The following CATSPERT variants were observed in gnomAD, a reference collection of about 807,000 sequenced individuals.
CATSPERT encodes catsper channel auxiliary subunit tau.
the CATSPERT span, among the ~76,000 whole-genome samples, chr2:201,597,311 C>G: frequency 6.6e-6 from 1 of 152,220 alleles, no homozygotes; most frequent in African/African-American, 2.4e-5. Context: ...CCTCCAGCGT[C>G]TGTTCTCTGT....
chr2:201,582,200 A>G, the CATSPERT span: 1 of 1,597,166 alleles, frequency 6.3e-7, no homozygotes, highest in African/African-American at 1.4e-5. Flanking sequence ...TCCGCTTATC[A>G]TCATAACGTC....
chr2:201,569,911 A>G, the CATSPERT span, among the ~76,000 whole-genome samples: 1 of 152,186 alleles, frequency 6.6e-6, no homozygotes, highest in Non-Finnish European at 1.5e-5. Context: ...GGCCAGCTGC[A>G]GTGGCTCACA....
chr2:201,560,423 AAATAATAATAATAAT>A, the CATSPERT span, among the ~76,000 whole-genome samples: 151 of 126,460 alleles, frequency 1.2e-3, 1 homozygote, highest in African/African-American at 2.0e-3. Flanking sequence ...ACTCTGTCTC[AAATAATAATAATAAT>A]AATAATAATA....
At chr2:201,495,776 ATT>A in the CATSPERT span, 1 of 455,682 alleles carries the variant, frequency 2.2e-6, no homozygotes, top group Admixed American at 4.6e-5. Flanking sequence ...GGGAATGTGT[ATT>A]TTTTACAGTA....
chr2:201,606,052 G>A, the CATSPERT span, among the ~76,000 whole-genome samples: 1 of 152,146 alleles, frequency 6.6e-6, no homozygotes, highest in Admixed American at 6.5e-5. Context: ...AGCATAAAGG[G>A]TCAGAGAAAA....
At chr2:201,549,017 C>A in the CATSPERT span, among the ~76,000 whole-genome samples, 88 of 151,876 alleles carry the variant, frequency 5.8e-4, 2 homozygotes, top group Admixed American at 2.6e-3. Context: ...ACACACACAC[C>A]CCCCAGCCAA....
At chr2:201,581,087 C>T in the CATSPERT span, among the ~76,000 whole-genome samples, 4 of 152,174 alleles carry the variant, frequency 2.6e-5, no homozygotes, top group South Asian at 2.1e-4. Flanking sequence ...ATTCTGTACA[C>T]GATAAATATA....
chr2:201,575,393 C>A, the CATSPERT span: 3 of 1,291,590 alleles, frequency 2.3e-6, no homozygotes, highest in African/African-American at 4.6e-5. Flanking sequence ...TTATCGAAAC[C>A]AAGGGTCCCC....
chr2:201,595,598 C>T, the CATSPERT span, among the ~76,000 whole-genome samples: 1 of 152,104 alleles, frequency 6.6e-6, no homozygotes, highest in African/African-American at 2.4e-5. Flanking sequence ...AGTTAGGCTG[C>T]TCGGGGGTCA....
the CATSPERT span, among the ~76,000 whole-genome samples, chr2:201,600,976 C>A: frequency 6.6e-6 from 1 of 152,162 alleles, no homozygotes; most frequent in African/African-American, 2.4e-5. Context: ...TCTCAAACTG[C>A]TGACATCAAG....
chr2:201,612,252 T>C, the CATSPERT span, among the ~76,000 whole-genome samples: 1 of 152,044 alleles, frequency 6.6e-6, no homozygotes, highest in African/African-American at 2.4e-5. Flanking sequence ...TCTCAGGTAT[T>C]ACCACCCTCT....
At chr2:201,614,697 T>A in the CATSPERT span, among the ~76,000 whole-genome samples, 16 of 152,118 alleles carry the variant, frequency 1.1e-4, no homozygotes, top group Admixed American at 5.2e-4. Flanking sequence ...AGGATCAAAT[T>A]CACACATAAC....
chr2:201,533,079 C>T, the CATSPERT span, among the ~76,000 whole-genome samples: 1 of 152,070 alleles, frequency 6.6e-6, no homozygotes, highest in Non-Finnish European at 1.5e-5. Flanking sequence ...GACTCTCAGC[C>T]CAAGGAAACA....
the CATSPERT span, among the ~76,000 whole-genome samples, chr2:201,600,449 T>TG: frequency 6.6e-6 from 1 of 152,106 alleles, no homozygotes; most frequent in South Asian, 2.1e-4. Context: ...GCTGGAGGGC[T>TG]GGGGAAGGGA....
At chr2:201,601,902 T>G in the CATSPERT span, 1 of 1,546,408 alleles carries the variant, frequency 6.5e-7, no homozygotes, top group Non-Finnish European at 8.8e-7. Context: ...TAGAATGATA[T>G]TCAGGAAATA....
chr2:201,491,358 G>A, the CATSPERT span: 1 of 1,537,450 alleles, frequency 6.5e-7, no homozygotes, highest in Non-Finnish European at 8.7e-7. Context: ...ATAATTCTGG[G>A]AAGAGGTGTG....
the CATSPERT span, among the ~76,000 whole-genome samples, chr2:201,556,291 C>T: frequency 3.3e-5 from 5 of 152,036 alleles, no homozygotes; most frequent in African/African-American, 9.7e-5. Flanking sequence ...GGGCGGATCA[C>T]GAGGTCAGGA....
the CATSPERT span, chr2:201,565,974 G>C: frequency 9.3e-7 from 1 of 1,075,536 alleles, no homozygotes; most frequent in Non-Finnish European, 1.3e-6. Flanking sequence ...TACACTTTTA[G>C]CTCACCTAGC....
At chr2:201,598,685 G>A in the CATSPERT span, among the ~76,000 whole-genome samples, 26 of 152,062 alleles carry the variant, frequency 1.7e-4, no homozygotes, top group African/African-American at 5.8e-4. Context: ...GGGTTCAAGC[G>A]ATTCTCTTGC....
Sources: gnomAD v4.1 joint callset for allele counts (sites outside exome capture counted in the v4.1 genomes callset) on GRCh38, gnomAD v4.1.1 for gene constraint, MANE v1.5 for transcripts, NCBI Gene and HGNC (gene_info 2026-07-23, HGNC 2026-07-21) for gene names.